Variants in UST observed in about 807,000 individuals in gnomAD.
UST encodes the protein chondroitin sulfate 2-O-sulfotransferase.
Under a neutral mutation model 45.6 loss-of-function variants are expected in UST, and 21 were observed. The ratio of observed to expected loss-of-function variants is 0.46; its 90% CI spans 0.33 to 0.66. UST has a LOEUF of 0.66. UST is among the 30% of genes least tolerant of loss of function. The pLI, the probability that UST is intolerant of heterozygous loss-of-function variation, is 0.02. For missense variants in UST, 463 were observed against 512.4 expected (o/e 0.90, Z 0.93); for synonymous variants, 215 against 200.6 (o/e 1.07, Z -0.61).
chr6:148,943,591 G>C (rs1780174040), intron 3 of UST, among the ~76,000 whole-genome samples: 1 of 152,170 alleles, frequency 6.6e-6, no homozygotes, highest in African/African-American at 2.4e-5. Flanking sequence ...TAAAATATAG[G>C]CTAGCTCTCA....
intron 1 of UST, among the ~76,000 whole-genome samples, chr6:148,843,814 C>G (rs1414273727): frequency 1.3e-5 from 2 of 152,118 alleles, no homozygotes; most frequent in African/African-American, 4.8e-5. Flanking sequence ...CAGTATAATC[C>G]AGGTATTTAT....
Position 148,946,593 on chromosome 6 carries a change from C to T in UST, c.447+5159C>T, listed in dbSNP as rs553108184. On this transcript the variant is annotated intron_variant, in intron 3 of 7. Coordinates refer to ENST00000367463, the MANE Select transcript of UST (RefSeq NM_005715.3). ...TTGGGAGGCTGAGGCGGGCGGATCA[C>T]GAGGTCAGGAGATCAAGACCATCCT... is the stretch of plus-strand genomic sequence containing the variant. 1.3e-3 allele frequency among the ~76,000 whole-genome samples: 186 copies of T among 145,396 alleles called. 2 individuals are homozygous for T. The highest frequency in any genetic ancestry group is 4.5e-3 in the African/African-American group (178 of 39,148).
At chr6:148,837,773 G>A (rs891897030) in intron 1 of UST, among the ~76,000 whole-genome samples, 1 of 151,298 alleles carries the variant, frequency 6.6e-6, no homozygotes, top group Admixed American at 6.6e-5. Context: ...ACAACTTGCT[G>A]CAGCCTCAAC....
chr6:148,954,067 C>A, intron 4 of UST, 116 bp downstream of exon 4: 1 of 721,024 alleles, frequency 1.4e-6, no homozygotes, highest in Non-Finnish European at 2.1e-6. Context: ...ATTTTTAATC[C>A]GTTTATTTTT....
At chr6:148,968,677 A>C (rs1471318418) in intron 5 of UST, among the ~76,000 whole-genome samples, 1 of 152,242 alleles carries the variant, frequency 6.6e-6, no homozygotes, top group Non-Finnish European at 1.5e-5. Context: ...CAGATGAGGG[A>C]GAGCATCTTA....
Position 149,074,010 on chromosome 6 carries a change from C to T in UST, c.1115C>T (p.Pro372Leu), listed in dbSNP as rs372785635. 3.7e-6 allele frequency: 6 copies of T among 1,614,066 alleles called. No homozygotes were observed. Among genetic ancestry groups the T allele is most frequent in the African/African-American group, 2.7e-5 (2 of 74,928 alleles). Residue 372 changes from proline to leucine, a missense_variant, in exon 8 of 8, where the codon CCC (proline) becomes CTC (leucine). By Grantham distance (98) the Pro-to-Leu change is moderately conservative (BLOSUM62 -3). This residue lies in a region of UST where 287 missense variants were observed against 374.2 expected (regional missense o/e 0.77). Transcript: ENST00000367463. ...FGLKSHVSKP[P>L]LRPHFFIPTP... ...CTTAAGTCTCACGTCAGCAAGCCCC[C>T]CCTGAGGCCACACTTCTTTATCCCA...
chr6:148,841,728 T>C (rs1428149999), intron 1 of UST, among the ~76,000 whole-genome samples: 1 of 152,184 alleles, frequency 6.6e-6, no homozygotes, highest in Admixed American at 6.5e-5. Context: ...AACAAATAAG[T>C]CTCTGAAGAA....
At chr6:148,958,378 G>T (rs547855999) in intron 4 of UST, among the ~76,000 whole-genome samples, 1 of 152,192 alleles carries the variant, frequency 6.6e-6, no homozygotes, top group Non-Finnish European at 1.5e-5. Flanking sequence ...TCAGGCTTCA[G>T]TGGGGATTCC....
intron 2 of UST, among the ~76,000 whole-genome samples, chr6:148,897,705 G>A (rs1779163970): frequency 6.6e-6 from 1 of 151,524 alleles, no homozygotes; most frequent in Admixed American, 6.6e-5. Context: ...TGCCCAGGCT[G>A]GCCTTGAACC....
chr6:148,850,169 A>G (rs1778077285), intron 1 of UST, among the ~76,000 whole-genome samples: 1 of 152,194 alleles, frequency 6.6e-6, no homozygotes, highest in African/African-American at 2.4e-5. Context: ...CAATTCTGTG[A>G]TACAGATACT....
At chr6:148,755,617 G>T (rs1478693227) in intron 1 of UST, among the ~76,000 whole-genome samples, 1 of 150,314 alleles carries the variant, frequency 6.7e-6, no homozygotes, top group Non-Finnish European at 1.5e-5. Context: ...TCTTGTGATA[G>T]TGAGTTCTCA....
At chr6:148,775,437 A>G (rs766043412) in intron 1 of UST, among the ~76,000 whole-genome samples, 1 of 152,100 alleles carries the variant, frequency 6.6e-6, no homozygotes, top group Non-Finnish European at 1.5e-5. Flanking sequence ...ATGTGCGTTT[A>G]TTGTTAGAGC....
At chr6:148,974,395 T>C (rs986076952) in intron 5 of UST, among the ~76,000 whole-genome samples, 3 of 152,144 alleles carry the variant, frequency 2.0e-5, no homozygotes, top group Admixed American at 2.0e-4. Flanking sequence ...TTTATAGTCA[T>C]TGAGATTTGC....
chr6:149,012,552 G>A (rs1292961177), intron 5 of UST, among the ~76,000 whole-genome samples: 1 of 152,178 alleles, frequency 6.6e-6, no homozygotes, highest in Non-Finnish European at 1.5e-5. Context: ...TTTTTAGCGT[G>A]TGAAGACTGG....
At chr6:148,897,276 T>C (rs1041291895) in intron 2 of UST, among the ~76,000 whole-genome samples, 1 of 152,156 alleles carries the variant, frequency 6.6e-6, no homozygotes. Flanking sequence ...CAGGTGATTC[T>C]TGTGCCTCAG....
In UST at chr6:149,076,906, A is replaced by C. The variant is rs1481309862; in HGVS notation, c.*2790A>C. 1 of 152,342 alleles carries C rather than the reference A, an allele frequency of 6.6e-6. No individual in the cohort carries two copies. The highest frequency in any genetic ancestry group is 1.5e-5 in the Non-Finnish European group (1 of 68,006). The allele number at this position is 152,342 out of a possible 1,614,324, so 9.4% of individuals were successfully genotyped here. A position where few individuals can be genotyped will look rare whatever the true frequency, so the allele number is the denominator to read the frequency against. ...TTTTTTTTTAAGAAGAAAGAAAAAA[A>C]TGGTGTTTGACGTTGATGGAAATTC... On this transcript the variant is annotated 3_prime_UTR_variant, in exon 8 of 8. Coordinates refer to ENST00000367463, the MANE Select transcript of UST (RefSeq NM_005715.3).
At chr6:148,779,384 C>G (rs1340007864) in intron 1 of UST, among the ~76,000 whole-genome samples, 1 of 152,210 alleles carries the variant, frequency 6.6e-6, no homozygotes, top group Non-Finnish European at 1.5e-5. Context: ...GTTAGTTCCT[C>G]CTCTTGGTTC....
At chr6:148,963,186 T>G (rs1780701873) in intron 4 of UST, among the ~76,000 whole-genome samples, 1 of 152,178 alleles carries the variant, frequency 6.6e-6, no homozygotes, top group Non-Finnish European at 1.5e-5. Context: ...GGCTGGGTTT[T>G]GAAAGGTGAA....
At chr6:149,025,385 A>G (rs942295203) in intron 7 of UST, among the ~76,000 whole-genome samples, 3 of 152,216 alleles carry the variant, frequency 2.0e-5, no homozygotes, top group Admixed American at 6.5e-5. Context: ...TCAGAAGCTT[A>G]GGATAGTAAG....
Sources: allele counts gnomAD v4.1 joint callset (sites outside exome capture counted in the v4.1 genomes callset), GRCh38; gene constraint gnomAD v4.1.1; regional missense constraint gnomAD v4.1.1; transcripts MANE v1.5; gene names NCBI Gene and HGNC (gene_info 2026-07-23, HGNC 2026-07-21).